PSG7: variants seen among roughly 807,000 people sequenced by gnomAD.
The protein encoded by PSG7 is pregnancy specific beta-1-glycoprotein 7, also known as pregnancy-specific beta-1-glycoprotein 7.
PSG7 carries 57 observed loss-of-function variants against 45.6 expected under a neutral mutation model. The observed-to-expected ratio is 1.25, with a 90% CI of 1.01 to 1.56. The LOEUF (loss-of-function observed/expected upper bound fraction) is 1.56, where lower values mean the gene tolerates loss of function less well. PSG7 is among the 40% of genes most tolerant of loss of function. The probability of loss-of-function intolerance (pLI) is 0.00; values close to 1 mark genes in which losing one functional copy is unlikely to be tolerated. For missense variants in PSG7, 796 were observed against 508.4 expected, an observed-to-expected ratio of 1.57 and a Z score of -5.44; for synonymous variants, 298 against 194.4, an observed-to-expected ratio of 1.53 and a Z score of -4.43.
chr19:42,926,409 A>C, intron 4 of PSG7, 29 bp downstream of exon 4: 1 of 1,608,998 alleles, frequency 6.2e-7, no homozygotes. Context: ...TGGCCCACAG[A>C]GGAAGAAAGG....
rs542113771 is a variant in PSG7, at chr19:42,928,235, C to T, written c.709+1207G>A. Among the ~76,000 whole-genome samples, 25 of 151,658 alleles carry T rather than the reference C, an allele frequency of 1.6e-4. 1 individual carries two copies. On this transcript the variant is annotated intron_variant, in intron 3 of 5. Coordinates refer to ENST00000406070, the MANE Select transcript of PSG7 (RefSeq NM_002783.3). ...ACTTTCCACCTTTTCATGGTTGCAT[C>T]TTTTTCTCAGTGTTTTTGTTGTGGC...
intron 4 of PSG7, 35 bp from the exon 5 acceptor site, chr19:42,926,062 A>G: frequency 6.2e-7 from 1 of 1,604,696 alleles, no homozygotes; most frequent in Non-Finnish European, 8.5e-7. Flanking sequence ...AGGTGATGTT[A>G]TCCGAGGGAA....
intron 3 of PSG7, 185 bp downstream of exon 3, chr19:42,929,257 T>G: frequency 7.3e-7 from 1 of 1,371,108 alleles, no homozygotes; most frequent in African/African-American, 1.5e-5. Context: ...AGCAGCCTCT[T>G]TTCTCTTATT....
In PSG7 at chr19:42,929,593, G is replaced by C; in HGVS notation, c.558C>G (p.Ser186Arg). 6.2e-7 allele frequency: 1 copy of C among 1,612,610 alleles called. No homozygotes were observed. Among genetic ancestry groups the C allele is most frequent in the Non-Finnish European group, 8.5e-7 (1 of 1,179,252 alleles). ...GCTGCAAGCTGTGAGTCATAGGGAG[G>C]CTCTGACCATTCATCCACCACAGGT... ...ASYLWWMNGQSLPMTHSLQLS... is the reference protein window; with the variant it reads ...ASYLWWMNGQRLPMTHSLQLS... Residue 186 changes from serine (S) to arginine (R), a missense_variant, in exon 3 of 6, where the codon AGC becomes AGG. By Grantham distance (110) the Ser-to-Arg change is moderately radical (BLOSUM62 -1). Transcript: ENST00000406070.
chr19:42,931,484 G>A (rs889181334), intron 2 of PSG7, among the ~76,000 whole-genome samples: 1 of 151,618 alleles, frequency 6.6e-6, no homozygotes, highest in African/African-American at 2.4e-5. Flanking sequence ...AGAAAGAACT[G>A]CCTGCTTATA....
chr19:42,934,324 G>C (rs955039974), intron 2 of PSG7, among the ~76,000 whole-genome samples: 1 of 151,432 alleles, frequency 6.6e-6, no homozygotes, highest in Non-Finnish European at 1.5e-5. Context: ...CCTAAGAAGA[G>C]AGGATTTGAG....
chr19:42,935,166 C>G (rs1456865782), intron 2 of PSG7, among the ~76,000 whole-genome samples: 6 of 151,882 alleles, frequency 4.0e-5, no homozygotes, highest in African/African-American at 1.4e-4. Flanking sequence ...TGCTGAGTCC[C>G]CCCATCAGAC....
At position 42,926,513 on chromosome 19, in the gene PSG7, T is replaced by A; in HGVS notation, c.913A>T (p.Thr305Ser). 6.2e-7 allele frequency: 1 copy of A among 1,611,184 alleles called. No homozygotes were observed. Among genetic ancestry groups the A allele is most frequent in the Non-Finnish European group, 8.5e-7 (1 of 1,178,980 alleles). The change falls in exon 4 of 6, where the codon ACA (threonine) becomes TCA (serine). Residue 305 changes from threonine (T) to serine (S), a missense_variant. Thr to Ser is a moderately conservative substitution (Grantham distance 58). Coordinates refer to ENST00000406070, the MANE Select transcript of PSG7 (RefSeq NM_002783.3). ...LILPSVTRNETGPYQCEIRDR... is the reference protein window; with the variant it reads ...LILPSVTRNESGPYQCEIRDR... The stretch of plus-strand genomic sequence containing the variant: ...CGTATTTCACATTGATAGGGTCCTG[T>A]TTCATTTCTCGTGACACTGGGTAGA...
At chr19:42,926,737 A>T (rs1972902395) in intron 3 of PSG7, 21 bp from the exon 4 acceptor site, 1 of 1,608,552 alleles carries the variant, frequency 6.2e-7, no homozygotes, top group Non-Finnish European at 8.5e-7. Context: ...AACAGAGAGA[A>T]GATTGTCCTG....
Position 42,937,154 on chromosome 19 carries a change from G to GT in PSG7, c.-79dup. On this transcript the variant is annotated 5_prime_UTR_variant, in exon 1 of 6. Coordinates refer to ENST00000406070, the MANE Select transcript of PSG7 (RefSeq NM_002783.3). ...ATCTTCCTGAGCACGGCTGTCAGCTGTGCTGTCCTTCCTCCTTCTGCACTG... is the reference window on the plus strand; with the variant it reads ...ATCTTCCTGAGCACGGCTGTCAGCTGTTGCTGTCCTTCCTCCTTCTGCACTG... 6.4e-7 allele frequency: 1 copy of GT among 1,556,736 alleles called. No individual in the cohort carries two copies. Among genetic ancestry groups the GT allele is most frequent in the Non-Finnish European group, 8.8e-7 (1 of 1,138,310 alleles).
At chr19:42,929,760 C>A (rs771967183) in intron 2 of PSG7, 40 bp from the exon 3 acceptor site, 1 of 1,590,194 alleles carries the variant, frequency 6.3e-7, no homozygotes, top group Non-Finnish European at 8.6e-7. Context: ...TGTGTGGCAC[C>A]TTTGACTCCT....
intron 2 of PSG7, among the ~76,000 whole-genome samples, chr19:42,933,307 AT>A (rs397965905): frequency 0.015 from 199 of 13,466 alleles, 11 homozygotes; most frequent in Non-Finnish European, 0.018. Context: ...ATATATATAT[AT>A]TTTTTTTTTT....
At position 42,926,887 on chromosome 19, in the gene PSG7, AC is replaced by A. The variant is rs887270655; in HGVS notation, c.710-172del. 1.5e-4 allele frequency: 191 copies of A among 1,267,116 alleles called. 1 individual carries two copies. The highest frequency in any genetic ancestry group is 2.0e-4 in the Non-Finnish European group (185 of 924,198). The allele number at this position is 1,267,116 out of a possible 1,614,324, so 78.5% of individuals were successfully genotyped here. On this transcript the variant is annotated intron_variant, in intron 3 of 5. Transcript: ENST00000406070. ...TGCATGATGATCTAAGGGCTCAAAG[AC>A]TGTGAGGCCACCTGCTCAGTCTTAG...
intron 2 of PSG7, among the ~76,000 whole-genome samples, chr19:42,934,886 C>T (rs1159695461): frequency 1.3e-5 from 2 of 151,684 alleles, no homozygotes; most frequent in Admixed American, 1.3e-4. Context: ...TGAACAGCTG[C>T]AGGAGACACA....
At position 42,933,291 on chromosome 19, in the gene PSG7, A is replaced by T. The variant is rs1344239995; in HGVS notation, c.430+2113T>A. 8.1e-3 allele frequency among the ~76,000 whole-genome samples: 78 copies of T among 9,688 alleles called. 4 individuals carry two copies. Among genetic ancestry groups the T allele is most frequent in the African/African-American group, 0.023 (73 of 3,240 alleles). 6.4% of individuals were successfully genotyped at this position (9,688 alleles called of 152,430 possible). On this transcript the variant is annotated intron_variant, in intron 2 of 5. Transcript: ENST00000406070. ...AATATATATATATATATATATATAT[A>T]TATATATATATATATATTTTTTTTT...
rs752641408 is a variant in PSG7, at chr19:42,937,118, T to G, written c.-42A>C. 5 of 1,599,852 alleles carry G rather than the reference T, an allele frequency of 3.1e-6. No individual in the cohort carries two copies. The highest frequency in any genetic ancestry group is 2.2e-5 in the East Asian group (1 of 44,546). On this transcript the variant is annotated 5_prime_UTR_variant, in exon 1 of 6. Coordinates refer to ENST00000406070, the MANE Select transcript of PSG7 (RefSeq NM_002783.3). ...GTGTTCTCCTCTGTGGAGATGAGCC[T>G]AGGATCCAGAATCTTCCTGAGCACG...
chr19:42,934,742 A>G (rs1228548102), intron 2 of PSG7, among the ~76,000 whole-genome samples: 1 of 151,422 alleles, frequency 6.6e-6, no homozygotes, highest in Non-Finnish European at 1.5e-5. Context: ...CTTTCTATGG[A>G]GTGTCCTAGG....
chr19:42,929,738 A>G lies in PSG7; in HGVS notation c.431-18T>C. 1.2e-6 allele frequency: 2 copies of G among 1,606,798 alleles called. No individual in the cohort carries two copies. The highest frequency in any genetic ancestry group is 1.7e-6 in the Non-Finnish European group (2 of 1,176,810). ...AGTCTCCACTGTGCGGAAAACAGAG[A>G]GAAGATTGCCCTGTGTGGCACCTTT... On this transcript the variant is annotated intron_variant, in intron 2 of 5. Coordinates refer to ENST00000406070, the MANE Select transcript of PSG7 (RefSeq NM_002783.3).
Position 42,937,143 on chromosome 19 carries a change from G to C in PSG7, c.-67C>G, listed in dbSNP as rs369277729. The C allele has an allele frequency of 4.5e-6, 7 of 1,570,870 alleles. No individual in the cohort carries two copies. Among genetic ancestry groups the C allele is most frequent in the Non-Finnish European group, 6.1e-6 (7 of 1,147,730 alleles). ...TAGGATCCAGAATCTTCCTGAGCAC[G>C]GCTGTCAGCTGTGCTGTCCTTCCTC... On this transcript the variant is annotated 5_prime_UTR_variant, in exon 1 of 6. Transcript: ENST00000406070.
Sources: gnomAD v4.1 joint callset for allele counts (sites outside exome capture counted in the v4.1 genomes callset) on GRCh38, gnomAD v4.1.1 for gene constraint, MANE v1.5 for transcripts, NCBI Gene and HGNC (gene_info 2026-07-23, HGNC 2026-07-21) for gene names.